Variants in TSPAN14 observed in about 807,000 individuals in gnomAD.
TSPAN14 encodes tetraspanin-14.
Under a neutral mutation model 36.6 loss-of-function variants are expected in TSPAN14, and 16 were observed. The ratio of observed to expected loss-of-function variants is 0.44; its 90% CI spans 0.30 to 0.66. The LOEUF (loss-of-function observed/expected upper bound fraction) is 0.66. Ranked by LOEUF, TSPAN14 falls within the 30% of genes least tolerant of loss-of-function variation. TSPAN14 has a pLI of 0.12. For synonymous variants in TSPAN14, 139 were observed against 143.8 expected (o/e 0.97, Z 0.24); for missense variants, 231 against 355.1 (o/e 0.65, Z 2.81).
chr10:80,492,765 A>C (rs1012034467), intron 2 of TSPAN14, among the ~76,000 whole-genome samples: 2 of 152,080 alleles, frequency 1.3e-5, no homozygotes, highest in Non-Finnish European at 2.9e-5. Flanking sequence ...GCAGTGAGCC[A>C]AGATCGCGCC....
intron 8 of TSPAN14, among the ~76,000 whole-genome samples, chr10:80,517,342 A>T (rs956024117): frequency 2.0e-5 from 3 of 152,246 alleles, no homozygotes; most frequent in African/African-American, 7.2e-5. Context: ...AGGGAAAAAA[A>T]GCCATTTCCA....
intron 2 of TSPAN14, among the ~76,000 whole-genome samples, chr10:80,498,854 G>A (rs1848343007): frequency 6.6e-6 from 1 of 152,192 alleles, no homozygotes; most frequent in Non-Finnish European, 1.5e-5. Flanking sequence ...AGAAGGTCTT[G>A]GACTCGCATG....
chr10:80,492,009 C>T (rs1285831645), intron 2 of TSPAN14, among the ~76,000 whole-genome samples: 8 of 152,114 alleles, frequency 5.3e-5, no homozygotes, highest in Non-Finnish European at 1.0e-4. Flanking sequence ...GGGAAGCTCA[C>T]GGTGTAGCAG....
intron 1 of TSPAN14, chr10:80,463,084 T>G (rs1223342457): frequency 6.6e-6 from 1 of 152,242 alleles, no homozygotes; most frequent in Admixed American, 6.5e-5. Context: ...ACTTTCTATT[T>G]CAGGACTTGG....
At chr10:80,495,335 C>CTGTGTGTGTGTGTG (rs3041272) in intron 2 of TSPAN14, among the ~76,000 whole-genome samples, 78 of 135,648 alleles carry the variant, frequency 5.8e-4, no homozygotes, top group Non-Finnish European at 8.3e-4. Context: ...TCTTTTGGCA[C>CTGTGTGTGTGTGTG]TGTGTGTGTG....
intron 1 of TSPAN14, among the ~76,000 whole-genome samples, chr10:80,477,586 TG>T (rs1444785995): frequency 1.3e-5 from 2 of 152,182 alleles, no homozygotes; most frequent in Non-Finnish European, 2.9e-5. Flanking sequence ...GAGATTTTTT[TG>T]TGGGGGGAGG....
At chr10:80,457,842 A>C (rs865852769) in intron 1 of TSPAN14, among the ~76,000 whole-genome samples, 12 of 152,180 alleles carry the variant, frequency 7.9e-5, no homozygotes, top group African/African-American at 2.7e-4. Flanking sequence ...TTAAAGCAAC[A>C]GAGGTTTATT....
chr10:80,506,919 G>GC (rs886796083), intron 3 of TSPAN14, among the ~76,000 whole-genome samples: 12 of 152,344 alleles, frequency 7.9e-5, no homozygotes, highest in Admixed American at 3.9e-4. Context: ...AGGCCACAGG[G>GC]CCCCGTTTCC....
chr10:80,507,416 G>C, intron 4 of TSPAN14, 42 bp downstream of exon 4: 1 of 1,613,592 alleles, frequency 6.2e-7, no homozygotes, highest in Non-Finnish European at 8.5e-7. Context: ...GATGCAATGG[G>C]GTACAGGCTC....
At chr10:80,461,533 CA>C (rs1845967939) in intron 1 of TSPAN14, among the ~76,000 whole-genome samples, 1 of 152,106 alleles carries the variant, frequency 6.6e-6, no homozygotes, top group African/African-American at 2.4e-5. Context: ...GTGGGGGATT[CA>C]TTCCCAAGGG....
At chr10:80,473,005 G>T (rs1363200316) in intron 1 of TSPAN14, among the ~76,000 whole-genome samples, 1 of 152,144 alleles carries the variant, frequency 6.6e-6, no homozygotes, top group Admixed American at 6.5e-5. Flanking sequence ...GGTTTTTAGT[G>T]TGCACCTTGT....
intron 1 of TSPAN14, among the ~76,000 whole-genome samples, chr10:80,479,932 A>G (rs1313025037): frequency 6.8e-6 from 1 of 146,486 alleles, no homozygotes; most frequent in Admixed American, 6.8e-5. Flanking sequence ...TGAGCATGGA[A>G]TGTTCTTCCA....
At chr10:80,517,814 G>T (rs1841016996) in intron 8 of TSPAN14, 91 bp from the exon 9 acceptor site, 1 of 1,234,656 alleles carries the variant, frequency 8.1e-7, no homozygotes, top group Non-Finnish European at 1.2e-6. Context: ...GGAGAGGCGT[G>T]CAGTGGGAGC....
chr10:80,516,439 A>G (rs74143162), intron 8 of TSPAN14, 116 bp downstream of exon 8: 15 of 1,435,930 alleles, frequency 1.0e-5, no homozygotes, highest in Middle Eastern at 2.4e-4. Context: ...CTTGCAGAAG[A>G]AAAAAAGGGA....
intron 1 of TSPAN14, among the ~76,000 whole-genome samples, chr10:80,480,881 G>A (rs1432268800): frequency 6.6e-6 from 1 of 152,044 alleles, no homozygotes; most frequent in Non-Finnish European, 1.5e-5. Context: ...GTATACATAC[G>A]TAACTAACCT....
intron 1 of TSPAN14, among the ~76,000 whole-genome samples, chr10:80,481,377 G>C (rs1403013193): frequency 6.6e-6 from 1 of 152,138 alleles, no homozygotes; most frequent in Non-Finnish European, 1.5e-5. Context: ...CAAATTTTCG[G>C]TTAAATATTG....
intron 1 of TSPAN14, among the ~76,000 whole-genome samples, chr10:80,461,094 G>A (rs1845940215): frequency 6.6e-6 from 1 of 152,100 alleles, no homozygotes; most frequent in Non-Finnish European, 1.5e-5. Context: ...AGCCTACCTT[G>A]TTCCTCCTCC....
chr10:80,520,952 G>A (rs1841240196), exon 9 of TSPAN14: 1 of 437,036 alleles, frequency 2.3e-6, no homozygotes, highest in Admixed American at 2.6e-5. Flanking sequence ...CCAGCCTCCG[G>A]GGAATCCCAC....
At chr10:80,477,302 T>G (rs1846973289) in intron 1 of TSPAN14, among the ~76,000 whole-genome samples, 1 of 152,248 alleles carries the variant, frequency 6.6e-6, no homozygotes, top group African/African-American at 2.4e-5. Flanking sequence ...AATAATGGAC[T>G]ATACTTCCTG....
Sources: gnomAD v4.1 joint callset for allele counts (sites outside exome capture counted in the v4.1 genomes callset) on GRCh38, gnomAD v4.1.1 for gene constraint, MANE v1.5 for transcripts, NCBI Gene and HGNC (gene_info 2026-07-23, HGNC 2026-07-21) for gene names.